GPM6A: variants seen among roughly 807,000 people sequenced by gnomAD.
GPM6A encodes neuronal membrane glycoprotein M6-a.
In GPM6A, 7 loss-of-function variants were observed where a neutral mutation model predicts 32.1. The observed-to-expected ratio is 0.22, with a 90% CI of 0.12 to 0.41. GPM6A has a LOEUF of 0.41. GPM6A is among the 10% of genes least tolerant of loss of function. GPM6A has a pLI of 1.00. For missense variants in GPM6A, 235 were observed against 347.2 expected (o/e 0.68, Z 2.57); for synonymous variants, 130 against 123.4 (o/e 1.05, Z -0.35).
At chr4:175,932,399 T>C (rs1276631839) in intron 1 of GPM6A, among the ~76,000 whole-genome samples, 2 of 152,194 alleles carry the variant, frequency 1.3e-5, no homozygotes, top group Non-Finnish European at 2.9e-5. Flanking sequence ...AGGCGCCATC[T>C]TGGAAACAAA....
intron 1 of GPM6A, among the ~76,000 whole-genome samples, chr4:175,901,628 CTTTTT>C (rs59461626): frequency 2.8e-4 from 36 of 127,032 alleles, no homozygotes; most frequent in Non-Finnish European, 4.1e-4. Flanking sequence ...TTTTCTTTTT[CTTTTT>C]TTTTTTTCCT....
intron 1 of GPM6A, among the ~76,000 whole-genome samples, chr4:175,991,901 C>A (rs144144610): frequency 8.9e-4 from 135 of 152,158 alleles, no homozygotes; most frequent in African/African-American, 2.9e-3. Context: ...ATTTCTAGAA[C>A]TTGTAAAATG....
intron 1 of GPM6A, among the ~76,000 whole-genome samples, chr4:175,940,172 C>T (rs148940653): frequency 1.3e-5 from 2 of 152,066 alleles, no homozygotes; most frequent in African/African-American, 2.4e-5. Flanking sequence ...ATAAAAGCAC[C>T]GTACATTGAT....
chr4:175,678,362 A>G (rs535399508), intron 2 of GPM6A, among the ~76,000 whole-genome samples: 4 of 152,224 alleles, frequency 2.6e-5, no homozygotes, highest in Admixed American at 6.5e-5. Context: ...TCAAGCTTGA[A>G]TTTATTTTCT....
chr4:175,646,975 A>G (rs1560849487), intron 4 of GPM6A, among the ~76,000 whole-genome samples: 1 of 152,212 alleles, frequency 6.6e-6, no homozygotes, highest in Non-Finnish European at 1.5e-5. Context: ...CTTCCTGGCA[A>G]TACTTTCTGT....
intron 1 of GPM6A, among the ~76,000 whole-genome samples, chr4:175,930,425 T>TGGGGG (rs138781978): frequency 5.6e-5 from 7 of 124,882 alleles, no homozygotes; most frequent in Non-Finnish European, 1.2e-4. Context: ...ATCTGTTTTT[T>TGGGGG]GGGGGGGGGT....
At chr4:175,780,713 T>C (rs565163718) in intron 1 of GPM6A, among the ~76,000 whole-genome samples, 1 of 152,356 alleles carries the variant, frequency 6.6e-6, no homozygotes, top group South Asian at 2.1e-4. Flanking sequence ...CAGTGTTTTC[T>C]GAATAATACC....
intron 1 of GPM6A, among the ~76,000 whole-genome samples, chr4:175,934,504 A>G (rs1336030267): frequency 6.6e-6 from 1 of 152,078 alleles, no homozygotes; most frequent in Non-Finnish European, 1.5e-5. Context: ...GAAAAATTAC[A>G]TAGACTATAT....
intron 1 of GPM6A, among the ~76,000 whole-genome samples, chr4:175,913,462 T>C (rs1047206292): frequency 1.3e-5 from 2 of 152,222 alleles, no homozygotes; most frequent in East Asian, 3.9e-4. Flanking sequence ...AGATTGATCA[T>C]GCCTTTGCTC....
At chr4:175,809,612 A>G (rs1297995225) in intron 1 of GPM6A, among the ~76,000 whole-genome samples, 2 of 152,104 alleles carry the variant, frequency 1.3e-5, no homozygotes, top group Non-Finnish European at 2.9e-5. Context: ...ATTGAACACA[A>G]TGGCTGGTGG....
intron 1 of GPM6A, among the ~76,000 whole-genome samples, chr4:175,844,636 T>C (rs1736035044): frequency 6.6e-6 from 1 of 152,170 alleles, no homozygotes; most frequent in African/African-American, 2.4e-5. Flanking sequence ...TTATTAGAGC[T>C]CAGGAAGACC....
chr4:175,872,659 TTACAG>T (rs1736948667), intron 1 of GPM6A: 1 of 152,204 alleles, frequency 6.6e-6, no homozygotes, highest in African/African-American at 2.4e-5. Flanking sequence ...TTTTGAGTAC[TTACAG>T]TAAAGTTTCT....
intron 1 of GPM6A, among the ~76,000 whole-genome samples, chr4:175,784,340 A>G (rs1560931235): frequency 6.6e-6 from 1 of 152,190 alleles, no homozygotes; most frequent in Non-Finnish European, 1.5e-5. Context: ...TAACGCAACA[A>G]TAGTTTCTTG....
Position 175,819,387 on chromosome 4 carries a change from G to A in GPM6A, c.-22-7138C>T, listed in dbSNP as rs79421968. Among the ~76,000 whole-genome samples, 517 of 152,302 alleles carry A rather than the reference G, an allele frequency of 3.4e-3. 3 individuals carry two copies. Among genetic ancestry groups the A allele is most frequent in the African/African-American group, 0.012 (484 of 41,556 alleles). On this transcript the variant is annotated intron_variant, in intron 1 of 7. Coordinates refer to the GPM6A transcript ENST00000280187. The stretch of plus-strand genomic sequence containing the variant: ...GAGCCAGGTGAACAGGACAGATGTA[G>A]TTTCCTGCTCTAACAGAGCTAATAG...
At chr4:175,940,531 T>C (rs1739372781) in intron 1 of GPM6A, among the ~76,000 whole-genome samples, 1 of 152,150 alleles carries the variant, frequency 6.6e-6, no homozygotes, top group Non-Finnish European at 1.5e-5. Context: ...ATTTCATTTA[T>C]AACAGCTGCT....
chr4:175,876,786 A>C (rs993671841), intron 1 of GPM6A, among the ~76,000 whole-genome samples: 2 of 152,124 alleles, frequency 1.3e-5, no homozygotes, highest in African/African-American at 4.8e-5. Flanking sequence ...GTCTTTTTTA[A>C]ATTTTTTTCC....
chr4:175,717,377 T>A (rs1463133371), intron 1 of GPM6A, among the ~76,000 whole-genome samples: 1 of 152,230 alleles, frequency 6.6e-6, no homozygotes, highest in Non-Finnish European at 1.5e-5. Context: ...GGTGGTCATG[T>A]AGAATTCTCT....
At chr4:175,705,231 ATGAGTGTAAGGTCTTTTTACTCTATG>A (rs1745109118) in intron 1 of GPM6A, among the ~76,000 whole-genome samples, 1 of 152,220 alleles carries the variant, frequency 6.6e-6, no homozygotes, top group Non-Finnish European at 1.5e-5. Context: ...GCATTTCCAA[ATGAGTGTAAGGTCTTTTTACTCTATG>A]TAAACAGTAT....
At chr4:175,769,942 A>G (rs552866901) in intron 1 of GPM6A, among the ~76,000 whole-genome samples, 9 of 152,350 alleles carry the variant, frequency 5.9e-5, no homozygotes, top group African/African-American at 2.2e-4. Flanking sequence ...AGGAAGTAGA[A>G]TAGCAAGGTG....
Sources: gnomAD v4.1 joint callset for allele counts (sites outside exome capture counted in the v4.1 genomes callset) on GRCh38, gnomAD v4.1.1 for gene constraint, MANE v1.5 for transcripts, NCBI Gene and HGNC (gene_info 2026-07-23, HGNC 2026-07-21) for gene names.